TMTC2: variants seen among roughly 807,000 people sequenced by gnomAD.
TMTC2 encodes transmembrane O-mannosyltransferase targeting cadherins 2, also known as protein O-mannosyl-transferase TMTC2.
Under a neutral mutation model 82.4 loss-of-function variants are expected in TMTC2, and 43 were observed. The observed-to-expected ratio is 0.52, with a 90% CI of 0.41 to 0.67. TMTC2 has a LOEUF of 0.67. TMTC2 is among the 30% of genes least tolerant of loss of function. TMTC2 has a pLI of 0.00. For missense variants in TMTC2, 919 were observed against 1,012.4 expected (o/e 0.91, Z 1.25); for synonymous variants, 408 against 381.9 (o/e 1.07, Z -0.80).
Position 82,857,372 on chromosome 12 carries a change from T to C in TMTC2, c.446T>C (p.Leu149Pro). 1 of 1,614,178 alleles carries C rather than the reference T, an allele frequency of 6.2e-7. No homozygotes were observed. Among genetic ancestry groups the C allele is most frequent in the Non-Finnish European group, 8.5e-7 (1 of 1,180,032 alleles). ...RADVGASLFFLLSLLCYIKHC... is the reference protein window; with the variant it reads ...RADVGASLFFPLSLLCYIKHC... ...GATGTCGGGGCCAGTCTCTTCTTTC[T>C]CCTCTCCTTGCTCTGCTACATTAAA... The change falls in exon 2 of 12, where the codon CTC (leucine) becomes CCC (proline). Residue 149 changes from leucine (L) to proline (P), a missense_variant. Leu to Pro is a moderately conservative substitution (Grantham distance 98). Coordinates refer to ENST00000321196, the MANE Select transcript of TMTC2 (RefSeq NM_152588.3).
intron 1 of TMTC2, among the ~76,000 whole-genome samples, chr12:82,789,160 G>GT (rs138351410): frequency 0.013 from 2,037 of 152,144 alleles, 48 homozygotes; most frequent in African/African-American, 0.047. Context: ...CGCTTTTGTC[G>GT]TTTTGAAACC....
intron 2 of TMTC2, among the ~76,000 whole-genome samples, chr12:82,881,559 T>C (rs185922710): frequency 3.7e-4 from 57 of 152,346 alleles, no homozygotes; most frequent in Admixed American, 1.3e-3. Flanking sequence ...TGGAGAGTTA[T>C]CAGAATAGAA....
intron 1 of TMTC2, among the ~76,000 whole-genome samples, chr12:82,812,125 T>A (rs1329033811): frequency 6.6e-6 from 1 of 152,118 alleles, no homozygotes; most frequent in Non-Finnish European, 1.5e-5. Flanking sequence ...CTTCTGAAGA[T>A]ATCTTAACAC....
At chr12:82,816,335 C>T (rs1868716660) in intron 1 of TMTC2, among the ~76,000 whole-genome samples, 1 of 151,926 alleles carries the variant, frequency 6.6e-6, no homozygotes. Flanking sequence ...GTGAAAAATT[C>T]ATTTAAAATT....
chr12:82,976,818 A>G (rs886198870), intron 7 of TMTC2, among the ~76,000 whole-genome samples: 7 of 152,076 alleles, frequency 4.6e-5, no homozygotes, highest in African/African-American at 1.7e-4. Flanking sequence ...GAAGTAAAAA[A>G]TGATCATCGG....
At chr12:83,122,708 T>C (rs984147719) in intron 11 of TMTC2, among the ~76,000 whole-genome samples, 1 of 152,214 alleles carries the variant, frequency 6.6e-6, no homozygotes, top group Non-Finnish European at 1.5e-5. Flanking sequence ...TTCCCCTTCC[T>C]TCAGAGGGTA....
intron 10 of TMTC2, among the ~76,000 whole-genome samples, chr12:83,056,795 C>CAT (rs1291890852): frequency 1.3e-5 from 2 of 151,842 alleles, no homozygotes; most frequent in Admixed American, 1.3e-4. Context: ...TGTAATGGAC[C>CAT]ATAGGGTCTT....
chr12:83,062,925 G>T (rs569006290), intron 11 of TMTC2, among the ~76,000 whole-genome samples: 62 of 151,680 alleles, frequency 4.1e-4, no homozygotes, highest in Non-Finnish European at 7.4e-4. Flanking sequence ...AGTTTTATTT[G>T]TAGGGGCAAA....
intron 8 of TMTC2, chr12:82,986,325 G>T (rs1373379909): frequency 5.8e-6 from 2 of 342,292 alleles, no homozygotes; most frequent in South Asian, 9.0e-5. Context: ...TAAGATGTGA[G>T]ATGTCCGTAT....
At position 82,993,848 on chromosome 12, in the gene TMTC2, T is replaced by C. The variant is rs143044011; in HGVS notation, c.2070+7802T>C. Among the ~76,000 whole-genome samples the C allele has an allele frequency of 4.6e-3, 701 of 152,184 alleles. 9 individuals carry two copies. The highest frequency in any genetic ancestry group is 0.016 in the African/African-American group (674 of 41,534). ...GATTTATTTAGAGAAACGGGGGAGA[T>C]ACATTGCAAGGGAGCAATGGGCAAG... On this transcript the variant is annotated intron_variant, in intron 8 of 11. Coordinates refer to ENST00000321196, the MANE Select transcript of TMTC2 (RefSeq NM_152588.3).
chr12:82,745,678 T>G (rs1396526429), intron 1 of TMTC2, among the ~76,000 whole-genome samples: 3 of 152,232 alleles, frequency 2.0e-5, no homozygotes, highest in African/African-American at 7.2e-5. Flanking sequence ...ATTGTCTTTA[T>G]GCAGGTGTCA....
At chr12:82,735,399 G>T (rs1875036501) in intron 1 of TMTC2, among the ~76,000 whole-genome samples, 1 of 149,616 alleles carries the variant, frequency 6.7e-6, no homozygotes, top group Non-Finnish European at 1.5e-5. Context: ...AGGCTGGAGT[G>T]CAGTGGCGCG....
intron 1 of TMTC2, among the ~76,000 whole-genome samples, chr12:82,757,763 G>A (rs1876417471): frequency 6.6e-6 from 1 of 152,160 alleles, no homozygotes; most frequent in Non-Finnish European, 1.5e-5. Context: ...ATTGCAAAAT[G>A]CACAGTCAGA....
chr12:82,737,660 T>G (rs1358643678), intron 1 of TMTC2, among the ~76,000 whole-genome samples: 1 of 152,200 alleles, frequency 6.6e-6, no homozygotes, highest in African/African-American at 2.4e-5. Flanking sequence ...AATGAATAAG[T>G]AATCAGAAGT....
At chr12:82,908,276 C>T (rs1220702099) in intron 3 of TMTC2, among the ~76,000 whole-genome samples, 1 of 152,018 alleles carries the variant, frequency 6.6e-6, no homozygotes, top group Non-Finnish European at 1.5e-5. Context: ...TTACCAGTGT[C>T]TTTGAGGACC....
At chr12:82,691,247 A>G (rs1157302274) in intron 1 of TMTC2, among the ~76,000 whole-genome samples, 7 of 152,270 alleles carry the variant, frequency 4.6e-5, no homozygotes, top group Non-Finnish European at 8.8e-5. Context: ...TTATTTTCTT[A>G]TTGCCCATTT....
chr12:82,943,647 G>A (rs1682606), intron 4 of TMTC2, among the ~76,000 whole-genome samples: 139,781 of 152,292 alleles, frequency 0.92, 64,248 homozygotes, highest in East Asian at 1. Flanking sequence ...ACCTATTTCA[G>A]ACATCACTAG....
intron 1 of TMTC2, among the ~76,000 whole-genome samples, chr12:82,776,170 A>G (rs1877583315): frequency 6.6e-6 from 1 of 152,082 alleles, no homozygotes; most frequent in African/African-American, 2.4e-5. Context: ...TGGCTTATTC[A>G]CGTTAGCATT....
intron 8 of TMTC2, among the ~76,000 whole-genome samples, chr12:83,016,159 G>T (rs1375576429): frequency 6.6e-6 from 1 of 152,164 alleles, no homozygotes; most frequent in Non-Finnish European, 1.5e-5. Flanking sequence ...TGTGTTTTGA[G>T]TTGATTGGTA....
Sources: allele counts gnomAD v4.1 joint callset (sites outside exome capture counted in the v4.1 genomes callset), GRCh38; gene constraint gnomAD v4.1.1; transcripts MANE v1.5; gene names NCBI Gene and HGNC (gene_info 2026-07-23, HGNC 2026-07-21).